Variants in BICC1 observed in about 807,000 individuals in gnomAD.
The protein encoded by BICC1 is protein bicaudal C homolog 1.
A neutral mutation model predicts 111.0 loss-of-function variants in BICC1; 43 were observed. That is an observed-to-expected ratio of 0.39 (90% CI 0.30 to 0.50). The LOEUF (loss-of-function observed/expected upper bound fraction) is 0.50, where lower values mean the gene tolerates loss of function less well. BICC1 is among the 20% of genes least tolerant of loss of function. The probability of loss-of-function intolerance (pLI) is 0.88; values close to 1 mark genes in which losing one functional copy is unlikely to be tolerated. For missense variants in BICC1, 1,091 were observed against 1,203.2 expected (o/e 0.91, Z 1.38); for synonymous variants, 467 against 434.4 (o/e 1.07, Z -0.93).
At chr10:58,611,690 A>G (rs1845426591) in intron 1 of BICC1, among the ~76,000 whole-genome samples, 1 of 151,846 alleles carries the variant, frequency 6.6e-6, no homozygotes, top group South Asian at 2.1e-4. Flanking sequence ...GGGTTTCACC[A>G]TGCTGCGTAG....
chr10:58,648,978 C>T (rs1339731954), intron 2 of BICC1, among the ~76,000 whole-genome samples: 1 of 152,204 alleles, frequency 6.6e-6, no homozygotes, highest in East Asian at 1.9e-4. Context: ...CTCCTTCACA[C>T]TTAATGAGAG....
At chr10:58,619,896 A>G (rs1318271204) in intron 1 of BICC1, among the ~76,000 whole-genome samples, 14 of 152,202 alleles carry the variant, frequency 9.2e-5, no homozygotes, top group Admixed American at 9.2e-4. Context: ...ACTTCTGCAC[A>G]CAAACATGGC....
intron 1 of BICC1, among the ~76,000 whole-genome samples, chr10:58,544,925 T>TA (rs1289774579): frequency 6.6e-6 from 1 of 152,078 alleles, no homozygotes; most frequent in East Asian, 1.9e-4. Flanking sequence ...GAACTTTGGA[T>TA]ACAGAGATAT....
chr10:58,687,482 G>C (rs949246025), intron 2 of BICC1, among the ~76,000 whole-genome samples: 1 of 152,226 alleles, frequency 6.6e-6, no homozygotes, highest in Non-Finnish European at 1.5e-5. Flanking sequence ...AGTCTACAGA[G>C]GGAGGCAGGC....
intron 3 of BICC1, among the ~76,000 whole-genome samples, chr10:58,780,989 T>C (rs1309423697): frequency 6.6e-6 from 1 of 152,096 alleles, no homozygotes; most frequent in African/African-American, 2.4e-5. Flanking sequence ...AAAGGGGCAT[T>C]TTTTTCTCTT....
intron 1 of BICC1, among the ~76,000 whole-genome samples, chr10:58,525,568 G>A (rs1241314043): frequency 8.4e-6 from 1 of 119,004 alleles, no homozygotes; most frequent in Non-Finnish European, 1.7e-5. Context: ...GTTGTGGGGT[G>A]GGGGGAGGGG....
intron 5 of BICC1, 106 bp from the exon 6 acceptor site, chr10:58,788,264 A>G: frequency 1.2e-6 from 1 of 801,918 alleles, no homozygotes; most frequent in Non-Finnish European, 2.1e-6. Context: ...ATACCTCTGT[A>G]TTTGTCCCTG....
At chr10:58,785,210 A>T (rs911554938) in intron 4 of BICC1, 130 bp downstream of exon 4, 12 of 512,572 alleles carry the variant, frequency 2.3e-5, no homozygotes, top group Non-Finnish European at 3.8e-5. Flanking sequence ...AAATAAGCAC[A>T]TGTGATTCTA....
chr10:58,707,431 C>T (rs1840418043), intron 3 of BICC1, among the ~76,000 whole-genome samples: 2 of 151,780 alleles, frequency 1.3e-5, no homozygotes, highest in Non-Finnish European at 1.5e-5. Flanking sequence ...GCAACCTATT[C>T]GTGTGTCAGG....
chr10:58,739,368 A>G (rs1841579362), intron 3 of BICC1, among the ~76,000 whole-genome samples: 1 of 152,158 alleles, frequency 6.6e-6, no homozygotes, highest in Admixed American at 6.5e-5. Flanking sequence ...GGTTCTGTTT[A>G]TATGCTGGAT....
At chr10:58,760,854 C>G (rs1257044143) in intron 3 of BICC1, among the ~76,000 whole-genome samples, 2 of 152,092 alleles carry the variant, frequency 1.3e-5, no homozygotes, top group Non-Finnish European at 2.9e-5. Flanking sequence ...ATAGAAAAGA[C>G]TTACTTTGCT....
At chr10:58,822,581 A>G (rs563728555) in intron 20 of BICC1, among the ~76,000 whole-genome samples, 3 of 152,258 alleles carry the variant, frequency 2.0e-5, no homozygotes, top group Non-Finnish European at 4.4e-5. Flanking sequence ...GGAGTTTGAG[A>G]CTGACTAAAA....
At chr10:58,628,581 C>T (rs1218797786) in intron 2 of BICC1, among the ~76,000 whole-genome samples, 4 of 152,018 alleles carry the variant, frequency 2.6e-5, no homozygotes, top group Non-Finnish European at 5.9e-5. Flanking sequence ...AGTTTTCAGA[C>T]CCTTATCATT....
intron 2 of BICC1, among the ~76,000 whole-genome samples, chr10:58,667,986 T>G (rs1839068959): frequency 6.6e-6 from 1 of 152,124 alleles, no homozygotes; most frequent in African/African-American, 2.4e-5. Context: ...AAAAGTTTTT[T>G]TCCTTTGTCT....
At position 58,803,233 on chromosome 10, in the gene BICC1, C is replaced by T. The variant is rs749614866; in HGVS notation, c.2172C>T (p.Val724=). ...ACCTTGCTCCACGGTCATCATATGT[C>T]AACATGCAGGTAATGGTAATAAAAT... ...RAHLAPRSSY[V]NMQAFDYEQK... is the part of the protein sequence containing the mutation. The change falls in exon 15 of 21, where the codon GTC becomes GTT. Residue 724 remains valine (V), a synonymous_variant. Coordinates refer to ENST00000373886, the MANE Select transcript of BICC1 (RefSeq NM_001080512.3). The T allele has an allele frequency of 6.3e-7, 1 of 1,597,468 alleles. No homozygotes were observed. Among genetic ancestry groups the T allele is most frequent in the South Asian group, 1.1e-5 (1 of 87,184 alleles).
chr10:58,521,072 G>A (rs1842374697), intron 1 of BICC1, among the ~76,000 whole-genome samples: 1 of 152,102 alleles, frequency 6.6e-6, no homozygotes, highest in African/African-American at 2.4e-5. Flanking sequence ...AAAGGTTCTT[G>A]AAGAACATGG....
intron 2 of BICC1, among the ~76,000 whole-genome samples, chr10:58,674,306 T>C (rs879567961): frequency 6.7e-6 from 1 of 148,940 alleles, no homozygotes; most frequent in African/African-American, 2.5e-5. Context: ...TACTATTGGT[T>C]TTTTTTTTTC....
intron 3 of BICC1, among the ~76,000 whole-genome samples, chr10:58,761,383 T>A (rs1842312001): frequency 6.6e-6 from 1 of 152,186 alleles, no homozygotes; most frequent in Non-Finnish European, 1.5e-5. Flanking sequence ...CACTAAGGAA[T>A]GAGTCAGTGA....
At chr10:58,577,916 A>C (rs1353559968) in intron 1 of BICC1, among the ~76,000 whole-genome samples, 3 of 152,200 alleles carry the variant, frequency 2.0e-5, no homozygotes, top group Non-Finnish European at 4.4e-5. Context: ...TTTTTGCTTT[A>C]AAAATTGCAT....
Sources: allele counts gnomAD v4.1 joint callset (sites outside exome capture counted in the v4.1 genomes callset), GRCh38; gene constraint gnomAD v4.1.1; transcripts MANE v1.5; gene names NCBI Gene and HGNC (gene_info 2026-07-23, HGNC 2026-07-21).